The following TXLNB variants were observed in gnomAD, a reference collection of about 807,000 sequenced individuals.
TXLNB encodes the protein beta-taxilin.
A neutral mutation model predicts 57.4 loss-of-function variants in TXLNB; 37 were observed. That is an observed-to-expected ratio of 0.64 (90% CI 0.50 to 0.85). The LOEUF (loss-of-function observed/expected upper bound fraction) is 0.85. TXLNB is among the 40% of genes least tolerant of loss of function. The probability of loss-of-function intolerance (pLI) is 0.00; values close to 1 mark genes in which losing one functional copy is unlikely to be tolerated. For missense variants in TXLNB, 848 were observed against 825.6 expected (o/e 1.03, Z -0.33); for synonymous variants, 302 against 309.6 (o/e 0.98, Z 0.26).
chr6:139,191,595 C>A, the TXLNB span, among the ~76,000 whole-genome samples: 1 of 152,164 alleles, frequency 6.6e-6, no homozygotes, highest in Non-Finnish European at 1.5e-5. Context: ...TCACCAAAAT[C>A]TTTCCTGTCC....
At chr6:139,199,670 G>A in the TXLNB span, among the ~76,000 whole-genome samples, 1 of 152,202 alleles carries the variant, frequency 6.6e-6, no homozygotes, top group East Asian at 1.9e-4. Context: ...GGCATAGGTG[G>A]TGATGGGATC....
At chr6:139,206,673 C>T in the TXLNB span, among the ~76,000 whole-genome samples, 1 of 118,764 alleles carries the variant, frequency 8.4e-6, no homozygotes, top group Non-Finnish European at 1.8e-5. Flanking sequence ...GACTCCATCT[C>T]AAAAAAAAAA....
chr6:139,256,505 T>C (rs1776344302), intron 6 of TXLNB, among the ~76,000 whole-genome samples: 2 of 152,218 alleles, frequency 1.3e-5, no homozygotes, highest in Admixed American at 1.3e-4. Context: ...AATTTTTGTA[T>C]TTTTACTAGA....
At chr6:139,167,402 G>A in the TXLNB span, 1 of 1,227,366 alleles carries the variant, frequency 8.1e-7, no homozygotes. Context: ...GCTCTATTTT[G>A]GTGTAGTTTT....
chr6:139,209,516 T>C, the TXLNB span, among the ~76,000 whole-genome samples: 1 of 151,158 alleles, frequency 6.6e-6, no homozygotes, highest in Non-Finnish European at 1.5e-5. Context: ...GAACAAATCA[T>C]GTATGTAGAC....
the TXLNB span, among the ~76,000 whole-genome samples, chr6:139,193,822 T>TTTTATATATATATATATATATA: frequency 1.1e-5 from 1 of 92,662 alleles, no homozygotes; most frequent in Non-Finnish European, 2.1e-5. Flanking sequence ...CCTGGCTAAT[T>TTTTATATATATATATATATATA]TATATATATA....
chr6:139,268,628 T>C (rs1776677009), intron 4 of TXLNB, among the ~76,000 whole-genome samples: 1 of 152,206 alleles, frequency 6.6e-6, no homozygotes, highest in Admixed American at 6.5e-5. Context: ...GACAACCAAT[T>C]TGGATTGCTG....
chr6:139,170,706 A>T, the TXLNB span: 4 of 152,230 alleles, frequency 2.6e-5, no homozygotes, highest in South Asian at 2.1e-4. Context: ...AACAGATTGC[A>T]GAAGTACTTT....
chr6:139,276,457 C>T lies in TXLNB; in HGVS notation c.516+373G>A, dbSNP rs188041623. Among the ~76,000 whole-genome samples, 379 of 152,266 alleles carry T rather than the reference C, an allele frequency of 2.5e-3. 3 individuals are homozygous for T. Among genetic ancestry groups the T allele is most frequent in the African/African-American group, 8.7e-3 (362 of 41,548 alleles). On this transcript the variant is annotated intron_variant, in intron 3 of 9. Transcript: ENST00000358430. ...AAGGAGCTAGTGAGGTGCTAACATGCGAGAATTAACCCAGTGATTCTGGTC... is the reference window on the plus strand; with the variant it reads ...AAGGAGCTAGTGAGGTGCTAACATGTGAGAATTAACCCAGTGATTCTGGTC...
chr6:139,296,615 C>T (rs913801812), upstream of TXLNB, among the ~76,000 whole-genome samples: 10 of 152,158 alleles, frequency 6.6e-5, no homozygotes, highest in African/African-American at 2.2e-4. Flanking sequence ...CCTTGTCCTC[C>T]TCTGAGCCTC....
intron 2 of TXLNB, among the ~76,000 whole-genome samples, chr6:139,277,885 T>C (rs1776940648): frequency 6.6e-6 from 1 of 152,174 alleles, no homozygotes; most frequent in Non-Finnish European, 1.5e-5. Flanking sequence ...ATTGACAACC[T>C]TTCCCCCAAG....
the TXLNB span, among the ~76,000 whole-genome samples, chr6:139,225,241 A>G: frequency 6.6e-6 from 1 of 152,226 alleles, no homozygotes; most frequent in East Asian, 1.9e-4. Context: ...ATAGCAAAAT[A>G]TGTAAGCTTT....
At chr6:139,264,543 TTTTTGTTTTG>T (rs199910457) in intron 4 of TXLNB, among the ~76,000 whole-genome samples, 105 of 150,670 alleles carry the variant, frequency 7.0e-4, no homozygotes, top group South Asian at 1.5e-3. Flanking sequence ...ATATATATAT[TTTTTGTTTTG>T]TTTTGTTTTG....
intron 3 of TXLNB, among the ~76,000 whole-genome samples, chr6:139,274,795 C>A (rs988920724): frequency 4.0e-5 from 6 of 151,862 alleles, no homozygotes; most frequent in Non-Finnish European, 7.4e-5. Flanking sequence ...TAGAACATGG[C>A]GCTGGAAACT....
chr6:139,163,352 CTTTTTTTTT>C, the TXLNB span, among the ~76,000 whole-genome samples: 62 of 142,462 alleles, frequency 4.4e-4, no homozygotes, highest in African/African-American at 1.5e-3. Context: ...GTTCTCCATT[CTTTTTTTTT>C]TTTTTTTTTT....
the TXLNB span, among the ~76,000 whole-genome samples, chr6:139,173,246 CTT>C: frequency 2.0e-5 from 3 of 152,208 alleles, no homozygotes; most frequent in Non-Finnish European, 4.4e-5. Flanking sequence ...GGTTATCTGT[CTT>C]TGGCTGTTAA....
chr6:139,199,972 C>T, the TXLNB span: 2 of 152,154 alleles, frequency 1.3e-5, no homozygotes, highest in Non-Finnish European at 2.9e-5. Flanking sequence ...ATACCGGGGC[C>T]CAGCAACAGT....
At chr6:139,307,976 ACCTGGGTTCTTCTG>A in the TXLNB span, among the ~76,000 whole-genome samples, 1 of 59,078 alleles carries the variant, frequency 1.7e-5, no homozygotes, top group Admixed American at 1.6e-4. Context: ...TAGTATTGAC[ACCTGGGTTCTTCTG>A]CATGCGAGAT....
At chr6:139,224,974 A>G in the TXLNB span, among the ~76,000 whole-genome samples, 2 of 152,198 alleles carry the variant, frequency 1.3e-5, no homozygotes, top group Non-Finnish European at 2.9e-5. Context: ...CAGTAATGTA[A>G]AAAGAATATT....
Sources: allele counts gnomAD v4.1 joint callset (sites outside exome capture counted in the v4.1 genomes callset), GRCh38; gene constraint gnomAD v4.1.1; transcripts MANE v1.5; gene names NCBI Gene and HGNC (gene_info 2026-07-23, HGNC 2026-07-21).